Variants in CCDC12 observed in about 807,000 individuals in gnomAD.
The protein encoded by CCDC12 is coiled-coil domain containing 12, also known as coiled-coil domain-containing protein 12.
In CCDC12, 28 loss-of-function variants were observed where a neutral mutation model predicts 25.7. That is an observed-to-expected ratio of 1.09 (90% confidence interval 0.81 to 1.50). CCDC12 has a LOEUF of 1.50. Among genes scored for constraint, CCDC12 ranks in the 40% most tolerant of loss-of-function variants. The pLI is 0.00. For missense variants in CCDC12, 198 were observed against 210.0 expected (o/e 0.94, Z 0.35); for synonymous variants, 75 against 87.7 (o/e 0.86, Z 0.81).
At chr3:46,967,134 T>C (rs561287751) in intron 1 of CCDC12, among the ~76,000 whole-genome samples, 1 of 152,248 alleles carries the variant, frequency 6.6e-6, no homozygotes, top group Non-Finnish European at 1.5e-5. Context: ...TGTCTAACAG[T>C]CATCTCTGGC....
chr3:46,947,537 A>G lies in CCDC12; in HGVS notation c.97-6472T>C, dbSNP rs73831421. ...GGGACCAGAAACTGCACAGATCTCT[A>G]CTGCCCAGAGACTGGCAGGGGGAAA... On this transcript the variant is annotated intron_variant, in intron 1 of 6. Transcript: ENST00000683445. Among the ~76,000 whole-genome samples, 318 of 152,238 alleles carry G rather than the reference A, an allele frequency of 2.1e-3. 3 individuals are homozygous for G. The highest frequency in any genetic ancestry group is 7.4e-3 in the African/African-American group (306 of 41,558).
chr3:46,974,394 T>C (rs1268386845), intron 1 of CCDC12, among the ~76,000 whole-genome samples: 4 of 152,224 alleles, frequency 2.6e-5, no homozygotes, highest in African/African-American at 9.6e-5. Flanking sequence ...GTTCTCCTGA[T>C]GATCTAGCAC....
chr3:46,936,891 G>A (rs1279597570), intron 2 of CCDC12, among the ~76,000 whole-genome samples: 1 of 152,158 alleles, frequency 6.6e-6, no homozygotes, highest in African/African-American at 2.4e-5. Flanking sequence ...CAGGCCCTGG[G>A]GTCACCCAGT....
At chr3:46,938,429 C>T (rs1205907556) in intron 2 of CCDC12, among the ~76,000 whole-genome samples, 2 of 151,686 alleles carry the variant, frequency 1.3e-5, no homozygotes, top group East Asian at 1.9e-4. Flanking sequence ...CAGAAAAGTC[C>T]GGAGAATAAC....
intron 5 of CCDC12, 98 bp downstream of exon 5, chr3:46,923,231 T>A (rs1291304457): frequency 1.6e-6 from 2 of 1,234,772 alleles, no homozygotes; most frequent in Non-Finnish European, 2.2e-6. Flanking sequence ...ACTGCCAGTC[T>A]CTGCACTGTG....
chr3:46,958,626 T>TA (rs1262609397), intron 1 of CCDC12, among the ~76,000 whole-genome samples: 1 of 152,180 alleles, frequency 6.6e-6, no homozygotes, highest in African/African-American at 2.4e-5. Flanking sequence ...AAAGTTGCGT[T>TA]ACATTCCATT....
intron 2 of CCDC12, among the ~76,000 whole-genome samples, chr3:46,939,750 C>A (rs1361528616): frequency 6.6e-6 from 1 of 152,210 alleles, no homozygotes; most frequent in Non-Finnish European, 1.5e-5. Context: ...CTCTGCAGGG[C>A]TCTCAGGATG....
chr3:46,976,695 TC>T lies in CCDC12; in HGVS notation c.37del (p.Glu13LysfsTer10). The T allele has an allele frequency of 5.6e-6, 9 of 1,605,688 alleles. No homozygotes were observed. Among genetic ancestry groups the T allele is most frequent in the Non-Finnish European group, 7.6e-6 (9 of 1,176,506 alleles). The stretch of plus-strand genomic sequence containing the variant: ...CCGTTCCTTTCGCCGCAACGCCTCT[TC>T]CTCTAGCCGGCCCACACCAGCCGTA... ...ATTAGVGRLE[E>X]EALRRKERLK... On this transcript the variant is annotated frameshift_variant, in exon 1 of 7. Transcript: ENST00000683445. LOFTEE classifies it high-confidence loss of function.
intron 1 of CCDC12, among the ~76,000 whole-genome samples, chr3:46,947,773 C>T (rs928426045): frequency 6.6e-6 from 1 of 152,224 alleles, no homozygotes; most frequent in African/African-American, 2.4e-5. Flanking sequence ...GCAGGCACAG[C>T]ACTGTGGTAG....
In CCDC12 at chr3:46,957,978, C is replaced by CAT. The variant is rs1575558139; in HGVS notation, c.97-16914_97-16913insAT. ...AAATAAATACACACACACACACACACACACACACACACACACACATATATA... is the reference window on the plus strand; with the variant it reads ...AAATAAATACACACACACACACACACATACACACACACACACACACATATATA... On this transcript the variant is annotated intron_variant, in intron 1 of 6. Transcript: ENST00000683445. Among the ~76,000 whole-genome samples the CAT allele has an allele frequency of 2.7e-4, 38 of 139,260 alleles. 1 individual carries two copies. The South Asian group carries it at 9.5e-3, about 35-fold the overall frequency. 91.4% of individuals were successfully genotyped at this position (139,260 alleles called of 152,430 possible).
At chr3:46,938,532 T>G (rs1480535334) in intron 2 of CCDC12, among the ~76,000 whole-genome samples, 16 of 146,866 alleles carry the variant, frequency 1.1e-4, no homozygotes, top group Admixed American at 1.1e-3. Context: ...TTTTTTTTTT[T>G]TTTTTTTTTT....
intron 1 of CCDC12, among the ~76,000 whole-genome samples, chr3:46,951,510 G>T (rs1338170070): frequency 6.6e-6 from 1 of 151,438 alleles, no homozygotes; most frequent in African/African-American, 2.4e-5. Context: ...GCTGGGCACG[G>T]TGGCTCAGGC....
rs181283951 is a variant in CCDC12, at chr3:46,964,491, C to T, written c.96+12146G>A. Among the ~76,000 whole-genome samples the T allele has an allele frequency of 7.1e-3, 1,081 of 152,300 alleles. 14 individuals carry two copies. Among genetic ancestry groups the T allele is most frequent in the African/African-American group, 0.025 (1,023 of 41,550 alleles). ...TGAGAACGGGCCATGATGACAATGG[C>T]GGTTTTGAGGAACAGAAAAGGGGGA... is the stretch of plus-strand genomic sequence containing the variant. On this transcript the variant is annotated intron_variant, in intron 1 of 6. Coordinates refer to ENST00000683445, the MANE Select transcript of CCDC12 (RefSeq NM_001277074.2).
chr3:46,971,107 C>T (rs2034791147), intron 1 of CCDC12, among the ~76,000 whole-genome samples: 1 of 152,226 alleles, frequency 6.6e-6, no homozygotes, highest in African/African-American at 2.4e-5. Context: ...CCTGAATGTT[C>T]CCACCTCTAA....
chr3:46,959,785 T>C (rs2034409581), intron 1 of CCDC12, among the ~76,000 whole-genome samples: 1 of 152,168 alleles, frequency 6.6e-6, no homozygotes, highest in African/African-American at 2.4e-5. Flanking sequence ...CCTGTTCTGC[T>C]CCTGCCCCTC....
chr3:46,950,240 G>A (rs2107158949), intron 1 of CCDC12, among the ~76,000 whole-genome samples: 1 of 152,148 alleles, frequency 6.6e-6, no homozygotes, highest in Middle Eastern at 3.4e-3. Context: ...CAGCACCCAG[G>A]GCCCAGATCC....
chr3:46,923,288 C>T (rs1445400041), intron 5 of CCDC12, 41 bp downstream of exon 5: 1 of 1,459,330 alleles, frequency 6.9e-7, no homozygotes, highest in Non-Finnish European at 9.1e-7. Flanking sequence ...ACCAAGAGTC[C>T]CCGAGTCAGC....
At chr3:46,947,999 G>C (rs2033969829) in intron 1 of CCDC12, among the ~76,000 whole-genome samples, 1 of 152,230 alleles carries the variant, frequency 6.6e-6, no homozygotes, top group Non-Finnish European at 1.5e-5. Context: ...GGGCAGGAAG[G>C]AAAGGGCTGC....
intron 1 of CCDC12, among the ~76,000 whole-genome samples, chr3:46,970,587 G>A (rs751043916): frequency 6.6e-6 from 1 of 152,196 alleles, no homozygotes; most frequent in Non-Finnish European, 1.5e-5. Flanking sequence ...TGGTTGCCTG[G>A]AACCTGCAAC....
Sources: gnomAD v4.1 joint callset for allele counts (sites outside exome capture counted in the v4.1 genomes callset) on GRCh38, gnomAD v4.1.1 for gene constraint, MANE v1.5 for transcripts, NCBI Gene and HGNC (gene_info 2026-07-23, HGNC 2026-07-21) for gene names.